Variants in KIF20B observed in about 807,000 individuals in gnomAD.
The protein encoded by KIF20B is kinesin-like protein KIF20B.
A neutral mutation model predicts 232.5 loss-of-function variants in KIF20B; 188 were observed. The observed-to-expected ratio is 0.81, with a 90% CI of 0.72 to 0.91. KIF20B has a LOEUF of 0.91. KIF20B is among the 40% of genes least tolerant of loss of function. The pLI is 0.00. For missense variants in KIF20B, 2,154 were observed against 2,055.9 expected, an observed-to-expected ratio of 1.05 and a Z score of -0.92; for synonymous variants, 712 against 683.0, an observed-to-expected ratio of 1.04 and a Z score of -0.66.
In KIF20B at chr10:89,772,732, T is replaced by G; in HGVS notation, c.5286T>G (p.Asn1762Lys). ...CAATGAGCTCTTCAAAGCTCTCAAA[T>G]GTAGAAGCAAGTAAAGAAAATGTGT... ...IETMSSSKLSNVEASKENVSQ... is the reference protein window; with the variant it reads ...IETMSSSKLSKVEASKENVSQ... Residue 1762 changes from asparagine (N) to lysine (K), a missense_variant, in exon 32 of 33, where the codon AAT becomes AAG. Transcript: ENST00000371728. 6.2e-7 allele frequency: 1 copy of G among 1,606,558 alleles called. No individual in the cohort carries two copies. Among genetic ancestry groups the G allele is most frequent in the Non-Finnish European group, 8.5e-7 (1 of 1,174,662 alleles).
chr10:89,755,151 G>C (rs1227749531), intron 26 of KIF20B, among the ~76,000 whole-genome samples: 1 of 152,130 alleles, frequency 6.6e-6, no homozygotes, highest in Non-Finnish European at 1.5e-5. Flanking sequence ...TTGGCACTTA[G>C]TCTGACATGC....
chr10:89,761,478 T>TA (rs71471138), intron 28 of KIF20B, among the ~76,000 whole-genome samples: 50,668 of 143,644 alleles, frequency 0.35, 9,402 homozygotes, highest in East Asian at 0.57. Flanking sequence ...GGAAAAGTCT[T>TA]AAAAAAAAAA....
At chr10:89,732,660 A>G (rs1184804284) in intron 18 of KIF20B, among the ~76,000 whole-genome samples, 2 of 152,208 alleles carry the variant, frequency 1.3e-5, no homozygotes, top group Non-Finnish European at 2.9e-5. Flanking sequence ...TTTCTTTTCA[A>G]AGCACATTTC....
chr10:89,707,507 AT>A (rs71022580), intron 2 of KIF20B, among the ~76,000 whole-genome samples: 37,388 of 142,044 alleles, frequency 0.26, 4,694 homozygotes, highest in African/African-American at 0.32. Context: ...TTTTCTTTCC[AT>A]TTTTTTTTTC....
rs761294038 is a variant in KIF20B at position 89,714,036 on chromosome 10, CT to C, written c.676-3del. 2.0e-4 allele frequency: 266 copies of C among 1,346,350 alleles called. No homozygotes were observed. Among genetic ancestry groups the C allele is most frequent in the South Asian group, 3.5e-4 (23 of 66,082 alleles). The allele number at this position is 1,346,350 out of a possible 1,614,324, so 83.4% of individuals were successfully genotyped here. A position where few individuals can be genotyped will look rare whatever the true frequency, so the allele number is the denominator to read the frequency against. On this transcript the variant is annotated splice_polypyrimidine_tract_variant and intron_variant, in intron 6 of 32. Coordinates refer to ENST00000371728, the MANE Select transcript of KIF20B (RefSeq NM_001284259.2). ...TGTTTTTTTAATTTTTTAAAACAAT[CT>C]TTTTTTTAGGTTACTGTGCATAATG...
At chr10:89,723,776 C>G (rs1421458111) in intron 13 of KIF20B, 188 bp from the exon 14 acceptor site, 7 of 475,498 alleles carry the variant, frequency 1.5e-5, no homozygotes, top group Non-Finnish European at 2.2e-5. Flanking sequence ...TGTGGAAAGG[C>G]CAACCTGATT....
chr10:89,768,323 A>G lies in KIF20B; in HGVS notation c.5023A>G (p.Thr1675Ala), dbSNP rs1468953564. 1.3e-6 allele frequency: 2 copies of G among 1,588,820 alleles called. No homozygotes were observed. The highest frequency in any genetic ancestry group is 1.7e-6 in the Non-Finnish European group (2 of 1,165,498). The change falls in exon 30 of 33, where the codon ACA becomes GCA. Residue 1675 changes from threonine (T) to alanine (A), a missense_variant. By Grantham distance (58) the Thr-to-Ala change is moderately conservative. Coordinates refer to ENST00000371728, the MANE Select transcript of KIF20B (RefSeq NM_001284259.2). ...GAAATGTGAAAATAAGAAGAATGCT[A>G]CACCCAGAACTAATTTGAAATTTCC... ...LVKCENKKNA[T>A]PRTNLKFPIS... is the part of the protein sequence containing the mutation.
rs372651065 is a variant in KIF20B at position 89,739,021 on chromosome 10, G to C, written c.3840G>C (p.Arg1280Ser). Residue 1280 changes from arginine to serine, a missense_variant, in exon 21 of 33, where the codon AGG (arginine) becomes AGC (serine). Arg to Ser is a moderately radical substitution (Grantham distance 110). Transcript: ENST00000371728. ...AGAATCTGAAAGCAGATCTTCAGAGGAAGGAAGAAGATTATGCTGACCTGA... is the reference window on the plus strand; with the variant it reads ...AGAATCTGAAAGCAGATCTTCAGAGCAAGGAAGAAGATTATGCTGACCTGA... Reference protein sequence around the residue: ...RTQNLKADLQRKEEDYADLKE... With the variant: ...RTQNLKADLQSKEEDYADLKE... 7.7e-5 allele frequency: 125 copies of C among 1,613,110 alleles called. No homozygotes were observed. The highest frequency in any genetic ancestry group is 9.8e-5 in the Non-Finnish European group (115 of 1,179,406).
In KIF20B at chr10:89,718,888, AT is replaced by A; in HGVS notation, c.1434+18del. The stretch of plus-strand genomic sequence containing the variant: ...TGCACAAAAAGTAAATATTTATTTT[AT>A]TAAGCCTCTTATTATTAGAATATTA... On this transcript the variant is annotated intron_variant, in intron 12 of 32. Transcript: ENST00000371728. The A allele has an allele frequency of 2.8e-6, 4 of 1,448,306 alleles. No homozygotes were observed. The highest frequency in any genetic ancestry group is 3.7e-6 in the Non-Finnish European group (4 of 1,070,554). The allele number at this position is 1,448,306 out of a possible 1,614,324, so 89.7% of individuals were successfully genotyped here.
At chr10:89,771,778 G>C (rs1370079945) in intron 31 of KIF20B, among the ~76,000 whole-genome samples, 1 of 152,004 alleles carries the variant, frequency 6.6e-6, no homozygotes, top group African/African-American at 2.4e-5. Context: ...GGGGCTGCCT[G>C]GGTGGTAAAA....
intron 13 of KIF20B, among the ~76,000 whole-genome samples, chr10:89,722,541 C>T (rs1445254211): frequency 1.3e-5 from 2 of 152,020 alleles, no homozygotes; most frequent in South Asian, 2.1e-4. Flanking sequence ...TGGTTTCTGG[C>T]GCCTGTAGTC....
chr10:89,768,503 A>C, intron 30 of KIF20B, 112 bp downstream of exon 30: 1 of 767,714 alleles, frequency 1.3e-6, no homozygotes, highest in South Asian at 1.9e-5. Context: ...TTGAAATGTA[A>C]CCTTTAGCAT....
At position 89,729,155 on chromosome 10, in the gene KIF20B, A is replaced by G. The variant is rs751139534; in HGVS notation, c.2299A>G (p.Lys767Glu). Residue 767 changes from lysine (K) to glutamate (E), a missense_variant, in exon 18 of 33, where the codon AAA (lysine) becomes GAA (glutamate). Coordinates refer to ENST00000371728, the MANE Select transcript of KIF20B (RefSeq NM_001284259.2). ...KKIITQNQRI[K>E]ELINIIDQKE... The stretch of plus-strand genomic sequence containing the variant: ...AATAATTACACAGAATCAAAGAATT[A>G]AAGAATTGATAAATATAATTGATCA... The G allele has an allele frequency of 2.1e-6, 3 of 1,445,488 alleles. No homozygotes were observed. The highest frequency in any genetic ancestry group is 2.9e-5 in the African/African-American group (2 of 68,370). 89.5% of individuals were successfully genotyped at this position (1,445,488 alleles called of 1,614,324 possible). A position where few individuals can be genotyped will look rare whatever the true frequency, so the allele number is the denominator to read the frequency against.
At chr10:89,723,775 G>T in intron 13 of KIF20B, 189 bp from the exon 14 acceptor site, 1 of 465,462 alleles carries the variant, frequency 2.1e-6, no homozygotes, top group Non-Finnish European at 3.3e-6. Flanking sequence ...ATGTGGAAAG[G>T]CCAACCTGAT....
In KIF20B at chr10:89,724,981, G is replaced by A. The variant is rs182583181; in HGVS notation, c.1863-39G>A. On this transcript the variant is annotated intron_variant, in intron 14 of 32. Transcript: ENST00000371728. The stretch of plus-strand genomic sequence containing the variant: ...TTAAAACAAAAACACAAAGTAGTTC[G>A]TTTTCTGTTTCTTAATGGGATTAAT... The A allele has an allele frequency of 4.6e-4, 730 of 1,588,410 alleles. 2 individuals are homozygous for A. In the African/African-American group the frequency reaches 8.3e-3, roughly 18 times the overall value.
At chr10:89,727,783 G>A (rs1843222224) in intron 16 of KIF20B, 73 bp from the exon 17 acceptor site, 1 of 1,310,914 alleles carries the variant, frequency 7.6e-7, no homozygotes, top group Non-Finnish European at 1.1e-6. Flanking sequence ...AGCAGCATAT[G>A]TTTCATAGTT....
rs1841731513 is a variant in KIF20B at position 89,738,940 on chromosome 10, GT to G, written c.3777-17del. The G allele has an allele frequency of 6.2e-7, 1 of 1,604,982 alleles. No individual in the cohort carries two copies. Among genetic ancestry groups the G allele is most frequent in the African/African-American group, 1.3e-5 (1 of 74,186 alleles). ...GTTAATGATGCATTACCATAGAAAA[GT>G]GGTTTATGTTTTTTAGATTGAAAGA... is the stretch of plus-strand genomic sequence containing the variant. On this transcript the variant is annotated splice_polypyrimidine_tract_variant and intron_variant, in intron 20 of 32. Coordinates refer to ENST00000371728, the MANE Select transcript of KIF20B (RefSeq NM_001284259.2).
chr10:89,708,214 ATT>A (rs35028648), intron 2 of KIF20B, among the ~76,000 whole-genome samples: 65 of 143,978 alleles, frequency 4.5e-4, no homozygotes, highest in Admixed American at 8.3e-4. Flanking sequence ...TACAATTTGT[ATT>A]TTTTTTTTTT....
chr10:89,757,042 A>ATGTG (rs1235463529), intron 26 of KIF20B, among the ~76,000 whole-genome samples: 1 of 78,026 alleles, frequency 1.3e-5, no homozygotes, highest in Non-Finnish European at 2.7e-5. Flanking sequence ...GTGTGTGTGT[A>ATGTG]TATATATATA....
Sources: allele counts gnomAD v4.1 joint callset (sites outside exome capture counted in the v4.1 genomes callset), GRCh38; gene constraint gnomAD v4.1.1; transcripts MANE v1.5; gene names NCBI Gene and HGNC (gene_info 2026-07-23, HGNC 2026-07-21).